DSC3: variants seen among roughly 807,000 people sequenced by gnomAD.
DSC3 encodes desmocollin-3.
DSC3 carries 97 observed loss-of-function variants against 89.5 expected under a neutral mutation model. The ratio of observed to expected loss-of-function variants is 1.08; its 90% CI spans 0.92 to 1.28. The LOEUF (loss-of-function observed/expected upper bound fraction) is 1.28, where lower values mean the gene tolerates loss of function less well. DSC3 is among the 50% of genes most tolerant of loss of function. DSC3 has a pLI of 0.00. For synonymous variants in DSC3, 436 were observed against 384.1 expected, an observed-to-expected ratio of 1.14 and a Z score of -1.58; for missense variants, 1,199 against 1,085.3, an observed-to-expected ratio of 1.10 and a Z score of -1.47.
Position 30,996,965 on chromosome 18 carries a change from A to G in DSC3, c.2319T>C (p.Asn773=). The G allele has an allele frequency of 6.2e-7, 1 of 1,613,860 alleles. No individual in the cohort carries two copies. Among genetic ancestry groups the G allele is most frequent in the Non-Finnish European group, 8.5e-7 (1 of 1,179,964 alleles). The change falls in exon 15 of 16, where the codon AAT becomes AAC. Residue 773 remains asparagine (N), a synonymous_variant. Transcript: ENST00000360428. ...TCATTTCAATGGTTTCCTGCCCTCC[A>G]TTTTTCATTCCTGATCCCATAGTAC... ...FCGTMGSGMK[N]GGQETIEMMK...
In DSC3 at chr18:31,042,575, G is replaced by C. The variant is rs373234967; in HGVS notation, c.69+17C>G. 1.5e-5 allele frequency: 24 copies of C among 1,549,794 alleles called. No individual in the cohort carries two copies. Among genetic ancestry groups the C allele is most frequent in the South Asian group, 1.5e-4 (13 of 84,054 alleles). On this transcript the variant is annotated intron_variant, in intron 1 of 15. Coordinates refer to ENST00000360428, the MANE Select transcript of DSC3 (RefSeq NM_001941.5). ...CCCCGTCCCCACCCCAGCCCTATCC[G>C]GCGAGATCTGGCTTACCACGAGGGT...
chr18:31,008,467 G>A lies in DSC3; in HGVS notation c.1322C>T (p.Ala441Val), dbSNP rs148206392. 1.5e-4 allele frequency: 235 copies of A among 1,613,968 alleles called. 4 individuals are homozygous for A. Among genetic ancestry groups the A allele is most frequent in the South Asian group, 1.2e-3 (106 of 91,086 alleles). The change falls in exon 10 of 16, where the codon GCG (alanine) becomes GTG (valine). Residue 441 changes from alanine (A) to valine (V), a missense_variant. Physicochemically the swap from Ala to Val is moderately conservative, Grantham distance 64. Coordinates refer to ENST00000360428, the MANE Select transcript of DSC3 (RefSeq NM_001941.5). ...TCTGGGAATATCTCTAGCAAATGGC[G>A]CTTCATTGTTTACTCCAATTTCCAG... ...VNLEIGVNNE[A>V]PFARDIPRVT...
chr18:31,013,070 A>C (rs543801436), intron 9 of DSC3, among the ~76,000 whole-genome samples: 1 of 152,344 alleles, frequency 6.6e-6, no homozygotes, highest in South Asian at 2.1e-4. Flanking sequence ...AGTGGCATGG[A>C]ACACTGCAAA....
chr18:31,038,884 T>C (rs1375997963), intron 1 of DSC3, among the ~76,000 whole-genome samples: 1 of 152,072 alleles, frequency 6.6e-6, no homozygotes, highest in African/African-American at 2.4e-5. Context: ...AATTCATTAA[T>C]ACAACTTTTG....
Position 31,004,375 on chromosome 18 carries a change from A to G in DSC3, c.1889-9T>C. The G allele has an allele frequency of 6.2e-7, 1 of 1,609,368 alleles. No individual in the cohort carries two copies. Among genetic ancestry groups the G allele is most frequent in the Non-Finnish European group, 8.5e-7 (1 of 1,176,316 alleles). On this transcript the variant is annotated splice_polypyrimidine_tract_variant and intron_variant, in intron 12 of 15. Coordinates refer to ENST00000360428, the MANE Select transcript of DSC3 (RefSeq NM_001941.5). ...AAGACGGGCAGCTGTATCTGAAAGA[A>G]AATAAAAGAAGTTTATTTTTTAATG...
Position 31,025,815 on chromosome 18 carries a change from G to C in DSC3, c.575C>G (p.Thr192Ser), listed in dbSNP as rs747444392. 1.1e-5 allele frequency: 18 copies of C among 1,613,062 alleles called. 1 individual carries two copies. The highest frequency in any genetic ancestry group is 2.2e-5 in the South Asian group (2 of 91,050). The change falls in exon 5 of 16, where the codon ACT (threonine) becomes AGT (serine). Residue 192 changes from threonine (T) to serine (S), a missense_variant. By Grantham distance (58) the Thr-to-Ser change is moderately conservative. Coordinates refer to ENST00000360428, the MANE Select transcript of DSC3 (RefSeq NM_001941.5). ...AGGCCGAGTGCAAAATAGATTTCCA[G>C]TGTCTCTTTCTATATAAAACAAATT... ...PLNLFYIERDTGNLFCTRPVD... is the reference protein window; with the variant it reads ...PLNLFYIERDSGNLFCTRPVD...
rs570521802 is a variant in DSC3, at chr18:30,994,087, A to G, written c.*88T>C. ...TCAAAATTGAGAAAAAAATCATCATATACATACATGTTGAAATTGAACTTT... is the reference window on the plus strand; with the variant it reads ...TCAAAATTGAGAAAAAAATCATCATGTACATACATGTTGAAATTGAACTTT... On this transcript the variant is annotated 3_prime_UTR_variant, in exon 16 of 16. Transcript: ENST00000360428. 881 of 1,255,094 alleles carry G rather than the reference A, an allele frequency of 7.0e-4. No homozygotes were observed. The highest frequency in any genetic ancestry group is 9.5e-4 in the Non-Finnish European group (821 of 864,798). The allele number at this position is 1,255,094 out of a possible 1,614,324, so 77.7% of individuals were successfully genotyped here. A position where few individuals can be genotyped will look rare whatever the true frequency, so the allele number is the denominator to read the frequency against.
At position 31,022,283 on chromosome 18, in the gene DSC3, G is replaced by T. The variant is rs549889536; in HGVS notation, c.942+53C>A. The T allele has an allele frequency of 1.6e-5, 26 of 1,601,730 alleles. No individual in the cohort carries two copies. The South Asian group carries it at 2.6e-4, about 16-fold the overall frequency. ...AGGATAGCAAGTTATAATAAATGGGGGAGGGAAGCTTAATCCTCAGCGAAA... is the reference window on the plus strand; with the variant it reads ...AGGATAGCAAGTTATAATAAATGGGTGAGGGAAGCTTAATCCTCAGCGAAA... On this transcript the variant is annotated intron_variant, in intron 7 of 15. Coordinates refer to ENST00000360428, the MANE Select transcript of DSC3 (RefSeq NM_001941.5).
At chr18:31,033,978 C>T (rs1397122526) in intron 1 of DSC3, among the ~76,000 whole-genome samples, 3 of 152,070 alleles carry the variant, frequency 2.0e-5, no homozygotes, top group African/African-American at 7.2e-5. Flanking sequence ...TGCCCGCTAC[C>T]ACGATCGGCT....
rs528327170 is a variant in DSC3, at chr18:30,992,968, C to A, written c.*1207G>T. On this transcript the variant is annotated 3_prime_UTR_variant, in exon 16 of 16. Transcript: ENST00000360428. ...AAAATGAAATTTTGTAGCTCCCAGACCTGATCAGGTGTCAAGTTTGTGGGG... is the reference window on the plus strand; with the variant it reads ...AAAATGAAATTTTGTAGCTCCCAGAACTGATCAGGTGTCAAGTTTGTGGGG... The A allele has an allele frequency of 1.3e-5, 2 of 152,292 alleles. No homozygotes were observed. The highest frequency in any genetic ancestry group is 1.9e-4 in the East Asian group (1 of 5,176). The allele number at this position is 152,292 out of a possible 1,614,324, so 9.4% of individuals were successfully genotyped here. A position where few individuals can be genotyped will look rare whatever the true frequency, so the allele number is the denominator to read the frequency against.
chr18:30,996,924 T>C lies in DSC3; in HGVS notation c.2360A>G (p.Gln787Arg). 8 of 1,614,132 alleles carry C rather than the reference T, an allele frequency of 5.0e-6. No homozygotes were observed. Among genetic ancestry groups the C allele is most frequent in the Non-Finnish European group, 6.8e-6 (8 of 1,180,022 alleles). The change falls in exon 15 of 16, where the codon CAG becomes CGG. Residue 787 changes from glutamine to arginine, a missense_variant. Physicochemically the swap from Gln to Arg is conservative, Grantham distance 43. Coordinates refer to ENST00000360428, the MANE Select transcript of DSC3 (RefSeq NM_001941.5). ...ETIEMMKGGN[Q>R]TLESCRGAGH... The stretch of plus-strand genomic sequence containing the variant: ...AGCCCCCCGGCAGGATTCCAAGGTC[T>C]GGTTTCCTCCTTTCATCATTTCAAT...
intron 1 of DSC3, among the ~76,000 whole-genome samples, chr18:31,038,760 C>T (rs1254596475): frequency 2.0e-5 from 3 of 152,020 alleles, no homozygotes; most frequent in Non-Finnish European, 2.9e-5. Flanking sequence ...AGGGTATTCA[C>T]GTTCAAGGTT....
rs772388650 is a variant in DSC3 at position 31,025,756 on chromosome 18, C to T, written c.630+4G>A. The T allele has an allele frequency of 1.1e-5, 17 of 1,612,386 alleles. No individual in the cohort carries two copies. The Admixed American group carries it at 2.5e-4, about 24-fold the overall frequency. Reference sequence around the variant, plus strand: ...AAAGTCAGGCATATCAATAAAAGTCCTACATCAAAAACATCATATTCTTCA... The same window carrying T: ...AAAGTCAGGCATATCAATAAAAGTCTTACATCAAAAACATCATATTCTTCA... On this transcript the variant is annotated splice_donor_region_variant and intron_variant, in intron 5 of 15. Transcript: ENST00000360428.
At position 30,991,132 on chromosome 18, in the gene DSC3, C is replaced by T. The variant is rs1365376308; in HGVS notation, c.*3043G>A. The stretch of plus-strand genomic sequence containing the variant: ...TATTACTTTACGCATCCAATTTTTG[C>T]TTATTTTAAGCAGCCAAGTTTCTTT... On this transcript the variant is annotated 3_prime_UTR_variant, in exon 16 of 16. Coordinates refer to ENST00000360428, the MANE Select transcript of DSC3 (RefSeq NM_001941.5). 2.0e-5 allele frequency: 3 copies of T among 152,558 alleles called. No individual in the cohort carries two copies. Among genetic ancestry groups the T allele is most frequent in the Admixed American group, 2.0e-4 (3 of 15,264 alleles). The allele number at this position is 152,558 out of a possible 1,614,324, so 9.5% of individuals were successfully genotyped here.
chr18:31,034,870 G>T (rs1985921159), intron 1 of DSC3, among the ~76,000 whole-genome samples: 1 of 152,120 alleles, frequency 6.6e-6, no homozygotes, highest in African/African-American at 2.4e-5. Flanking sequence ...TCTAAAATTA[G>T]ATTATTGCAC....
chr18:31,034,388 T>C (rs1985904160), intron 1 of DSC3, among the ~76,000 whole-genome samples: 1 of 152,068 alleles, frequency 6.6e-6, no homozygotes, highest in Admixed American at 6.5e-5. Flanking sequence ...ATAACAAGTA[T>C]TGGTGAGGAT....
intron 7 of DSC3, 78 bp downstream of exon 7, chr18:31,022,258 A>C: frequency 6.5e-7 from 1 of 1,534,158 alleles, no homozygotes. Context: ...ATTAATCCAC[A>C]GGATAGCAAG....
In DSC3 at chr18:30,996,939, A is replaced by C; in HGVS notation, c.2345T>G (p.Met782Arg). 6.2e-7 allele frequency: 1 copy of C among 1,614,098 alleles called. No individual in the cohort carries two copies. Among genetic ancestry groups the C allele is most frequent in the East Asian group, 2.2e-5 (1 of 44,862 alleles). Residue 782 changes from methionine (M) to arginine (R), a missense_variant, in exon 15 of 16, where the codon ATG becomes AGG. Met to Arg is a moderately conservative substitution (Grantham distance 91). Transcript: ENST00000360428. ...KNGGQETIEM[M>R]KGGNQTLESC... ...TTCCAAGGTCTGGTTTCCTCCTTTC[A>C]TCATTTCAATGGTTTCCTGCCCTCC...
intron 5 of DSC3, 147 bp downstream of exon 5, chr18:31,025,613 C>A: frequency 1.2e-6 from 1 of 862,236 alleles, no homozygotes. Context: ...ACCAAGTATT[C>A]CAAAATGTTG....
Sources: allele counts gnomAD v4.1 joint callset (sites outside exome capture counted in the v4.1 genomes callset), GRCh38; gene constraint gnomAD v4.1.1; transcripts MANE v1.5; gene names NCBI Gene and HGNC (gene_info 2026-07-23, HGNC 2026-07-21).